Variants in TNFRSF21 observed in about 807,000 individuals in gnomAD.
The protein encoded by TNFRSF21 is TNF receptor superfamily member 21, also known as tumor necrosis factor receptor superfamily member 21.
Under a neutral mutation model 45.6 loss-of-function variants are expected in TNFRSF21, and 19 were observed. That is an observed-to-expected ratio of 0.42 (90% CI 0.29 to 0.61). The LOEUF is 0.61. Among genes scored for constraint, TNFRSF21 ranks in the 20% least tolerant of loss-of-function variants. TNFRSF21 has a pLI of 0.23. For missense variants in TNFRSF21, 737 were observed against 851.5 expected, an observed-to-expected ratio of 0.87 and a Z score of 1.67; for synonymous variants, 314 against 335.5, an observed-to-expected ratio of 0.94 and a Z score of 0.70.
intron 4 of TNFRSF21, among the ~76,000 whole-genome samples, chr6:47,249,270 T>A (rs1052250093): frequency 6.6e-6 from 1 of 152,230 alleles, no homozygotes; most frequent in South Asian, 2.1e-4. Context: ...GTTATAATAC[T>A]GTGCACAAAA....
intron 3 of TNFRSF21, among the ~76,000 whole-genome samples, chr6:47,255,020 G>A (rs1324200990): frequency 6.6e-6 from 1 of 152,102 alleles, no homozygotes; most frequent in Non-Finnish European, 1.5e-5. Context: ...TGACAGTATC[G>A]ATGGTACCTT....
chr6:47,300,278 G>A (rs1000922872), intron 1 of TNFRSF21, among the ~76,000 whole-genome samples: 2 of 152,112 alleles, frequency 1.3e-5, no homozygotes, highest in Non-Finnish European at 2.9e-5. Context: ...ACCATAGACT[G>A]CTCAATGTGG....
intron 4 of TNFRSF21, among the ~76,000 whole-genome samples, chr6:47,242,855 G>A (rs1233203246): frequency 6.6e-6 from 1 of 152,244 alleles, no homozygotes; most frequent in African/African-American, 2.4e-5. Flanking sequence ...GGAACATGAG[G>A]AGATCATGCT....
intron 4 of TNFRSF21, among the ~76,000 whole-genome samples, chr6:47,235,262 C>T (rs913852193): frequency 1.3e-5 from 2 of 152,106 alleles, no homozygotes; most frequent in African/African-American, 4.8e-5. Context: ...TGAATTATGC[C>T]ACCTCCATGT....
intron 4 of TNFRSF21, among the ~76,000 whole-genome samples, chr6:47,249,598 G>A (rs1215096690): frequency 6.6e-6 from 1 of 152,156 alleles, no homozygotes; most frequent in African/African-American, 2.4e-5. Context: ...GAATGGAAAA[G>A]ATCAATATGC....
At chr6:47,233,967 G>C (rs965727074) in intron 5 of TNFRSF21, among the ~76,000 whole-genome samples, 2 of 152,030 alleles carry the variant, frequency 1.3e-5, no homozygotes, top group African/African-American at 4.8e-5. Context: ...GTGAATTTTA[G>C]GGTATTTTTA....
chr6:47,247,634 C>G (rs1378732138), intron 4 of TNFRSF21, among the ~76,000 whole-genome samples: 1 of 152,202 alleles, frequency 6.6e-6, no homozygotes, highest in African/African-American at 2.4e-5. Context: ...GTAGTTCCCT[C>G]TGCAGCAGAG....
At chr6:47,237,382 T>C (rs894540822) in intron 4 of TNFRSF21, among the ~76,000 whole-genome samples, 2 of 152,254 alleles carry the variant, frequency 1.3e-5, no homozygotes. Flanking sequence ...GCTACCGTAC[T>C]AGGCATTGTG....
chr6:47,249,509 T>C (rs910257568), intron 4 of TNFRSF21, among the ~76,000 whole-genome samples: 2 of 152,120 alleles, frequency 1.3e-5, no homozygotes, highest in African/African-American at 4.8e-5. Context: ...AACCTACACA[T>C]AGAAGTATTC....
rs34093099 is a variant in TNFRSF21, at chr6:47,232,624, AACAC to A, written c.*137_*140del. On this transcript the variant is annotated 3_prime_UTR_variant, in exon 6 of 6. Coordinates refer to ENST00000296861, the MANE Select transcript of TNFRSF21 (RefSeq NM_014452.5). ...CAAGCACTGGCCATATTCTCTGTTAAACACACACACACACACACACACACACACA... is the reference window on the plus strand; with the variant it reads ...CAAGCACTGGCCATATTCTCTGTTAAACACACACACACACACACACACACA... 0.12 allele frequency: 64,806 copies of A among 525,892 alleles called. 11 individuals are homozygous for A. Among genetic ancestry groups the A allele is most frequent in the East Asian group, 0.16 (5,080 of 30,984 alleles). The allele number at this position is 525,892 out of a possible 1,614,324, so 32.6% of individuals were successfully genotyped here.
intron 1 of TNFRSF21, among the ~76,000 whole-genome samples, chr6:47,292,115 T>C (rs1762736912): frequency 6.6e-6 from 1 of 152,060 alleles, no homozygotes; most frequent in African/African-American, 2.4e-5. Flanking sequence ...TGGACCCCAT[T>C]CAAAAGTGGC....
intron 1 of TNFRSF21, among the ~76,000 whole-genome samples, chr6:47,300,763 T>G (rs1417200453): frequency 1.3e-5 from 2 of 152,196 alleles, no homozygotes; most frequent in African/African-American, 2.4e-5. Context: ...CCTTCTGTTC[T>G]TTAAAAGGCT....
At chr6:47,244,361 C>G (rs1461206884) in intron 4 of TNFRSF21, among the ~76,000 whole-genome samples, 1 of 148,664 alleles carries the variant, frequency 6.7e-6, no homozygotes, top group African/African-American at 2.5e-5. Flanking sequence ...GTATTTCCTT[C>G]TCTGTGAACT....
chr6:47,307,620 C>A (rs894248757), intron 1 of TNFRSF21, among the ~76,000 whole-genome samples: 4 of 152,198 alleles, frequency 2.6e-5, no homozygotes, highest in Non-Finnish European at 5.9e-5. Context: ...GCAATCCTCC[C>A]ACCCTGGCCG....
At chr6:47,271,779 GCACA>G in intron 3 of TNFRSF21, among the ~76,000 whole-genome samples, 2 of 151,712 alleles carry the variant, frequency 1.3e-5, no homozygotes. Context: ...CATCTCACAC[GCACA>G]CACACACATA....
intron 1 of TNFRSF21, among the ~76,000 whole-genome samples, chr6:47,306,539 C>A (rs776430769): frequency 6.6e-6 from 1 of 152,138 alleles, no homozygotes; most frequent in Non-Finnish European, 1.5e-5. Flanking sequence ...ACCTGCTTCA[C>A]AAAGATGCTA....
At chr6:47,252,210 G>T (rs1004182104) in intron 4 of TNFRSF21, among the ~76,000 whole-genome samples, 3 of 152,196 alleles carry the variant, frequency 2.0e-5, no homozygotes, top group African/African-American at 7.2e-5. Context: ...GATATAGAAT[G>T]ATAGTAAACT....
intron 3 of TNFRSF21, among the ~76,000 whole-genome samples, chr6:47,265,931 C>T (rs1459094901): frequency 2.0e-5 from 3 of 152,196 alleles, no homozygotes; most frequent in Admixed American, 2.0e-4. Context: ...TTTCCAAACA[C>T]TGCATATGGT....
intron 3 of TNFRSF21, among the ~76,000 whole-genome samples, chr6:47,276,946 G>A (rs903736791): frequency 1.3e-5 from 2 of 152,090 alleles, no homozygotes; most frequent in African/African-American, 4.8e-5. Flanking sequence ...CTCCTTTAAG[G>A]TGGCAGTGTT....
Sources: gnomAD v4.1 joint callset for allele counts (sites outside exome capture counted in the v4.1 genomes callset) on GRCh38, gnomAD v4.1.1 for gene constraint, MANE v1.5 for transcripts, NCBI Gene and HGNC (gene_info 2026-07-23, HGNC 2026-07-21) for gene names.